SP140L: variants seen among roughly 807,000 people sequenced by gnomAD.
SP140L encodes the protein SP140 like nuclear body protein.
A neutral mutation model predicts 84.3 loss-of-function variants in SP140L; 64 were observed. The observed-to-expected ratio is 0.76, with a 90% CI of 0.62 to 0.94. SP140L has a LOEUF of 0.94. SP140L is among the 40% of genes least tolerant of loss of function. The pLI, the probability that SP140L is intolerant of heterozygous loss-of-function variation, is 0.00. For missense variants in SP140L, 628 were observed against 692.5 expected, an observed-to-expected ratio of 0.91 and a Z score of 1.05; for synonymous variants, 242 against 236.9, an observed-to-expected ratio of 1.02 and a Z score of -0.20.
At chr2:230,374,734 T>C (rs2061189856) in intron 7 of SP140L, among the ~76,000 whole-genome samples, 2 of 152,206 alleles carry the variant, frequency 1.3e-5, no homozygotes, top group African/African-American at 4.8e-5. Flanking sequence ...AAATTATGAT[T>C]TTCTGAAGGC....
intron 7 of SP140L, among the ~76,000 whole-genome samples, chr2:230,380,637 C>A (rs79760619): frequency 6.6e-6 from 1 of 152,152 alleles, no homozygotes; most frequent in Non-Finnish European, 1.5e-5. Context: ...TCTGGTATAT[C>A]TCCACCCACT....
chr2:230,392,412 T>C (rs2061857124), intron 12 of SP140L, among the ~76,000 whole-genome samples, 183 bp downstream of exon 12: 1 of 152,164 alleles, frequency 6.6e-6, no homozygotes, highest in Non-Finnish European at 1.5e-5. Context: ...AACACACTGA[T>C]GTTGTACCAG....
intron 15 of SP140L, chr2:230,400,449 T>G: frequency 1.8e-6 from 1 of 571,120 alleles, no homozygotes; most frequent in Non-Finnish European, 3.1e-6. Context: ...ACACCTCCTC[T>G]GATATGCTGA....
chr2:230,385,580 AT>A (rs2061548954), intron 9 of SP140L, among the ~76,000 whole-genome samples: 3 of 152,206 alleles, frequency 2.0e-5, no homozygotes, highest in Non-Finnish European at 4.4e-5. Context: ...GCTAATTAAA[AT>A]GGCTGGACCT....
At chr2:230,390,711 T>A (rs1327505453) in intron 11 of SP140L, among the ~76,000 whole-genome samples, 1 of 152,234 alleles carries the variant, frequency 6.6e-6, no homozygotes, top group Non-Finnish European at 1.5e-5. Flanking sequence ...TGACTTTTTT[T>A]AACAGCTTAA....
chr2:230,385,312 A>G lies in SP140L; in HGVS notation c.784+8A>G. 6.2e-7 allele frequency: 1 copy of G among 1,613,264 alleles called. No homozygotes were observed. The highest frequency in any genetic ancestry group is 8.5e-7 in the Non-Finnish European group (1 of 1,179,370). ...ACCTTTCCAAGATTAGGGGTAAGATAAAGTTGGTACCACTTTTCATTTGCC... is the reference window on the plus strand; with the variant it reads ...ACCTTTCCAAGATTAGGGGTAAGATGAAGTTGGTACCACTTTTCATTTGCC... On this transcript the variant is annotated splice_region_variant and intron_variant, in intron 9 of 18. Transcript: ENST00000415673.
intron 2 of SP140L, among the ~76,000 whole-genome samples, chr2:230,342,987 T>A (rs74611651): frequency 0.12 from 18,237 of 152,172 alleles, 1,116 homozygotes; most frequent in Middle Eastern, 0.15. Flanking sequence ...AGATTTTTCT[T>A]TTTTCCAAGT....
At chr2:230,352,974 G>C (rs899797815) in intron 2 of SP140L, among the ~76,000 whole-genome samples, 1 of 151,880 alleles carries the variant, frequency 6.6e-6, no homozygotes, top group Non-Finnish European at 1.5e-5. Context: ...GAGAGTTCAT[G>C]TTATGTTAGT....
chr2:230,384,745 C>T (rs1429727322), intron 8 of SP140L, among the ~76,000 whole-genome samples: 3 of 152,040 alleles, frequency 2.0e-5, no homozygotes, highest in African/African-American at 4.8e-5. Flanking sequence ...AACCCTGTCT[C>T]TACTTAAAAT....
chr2:230,357,846 A>G lies in SP140L; in HGVS notation c.149A>G (p.Tyr50Cys), dbSNP rs879121205. The change falls in exon 3 of 19, where the codon TAT becomes TGT. Residue 50 changes from tyrosine to cysteine, a missense_variant. Physicochemically the swap from Tyr to Cys is radical, Grantham distance 194 (BLOSUM62 -2). Transcript: ENST00000415673. ...EDQDVDEGLV[Y>C]DTVFKHFKRH... ...CAGGATGTAGATGAGGGACTTGTCTATGACACTGTATTCAAGCACTTCAAA... is the reference window on the plus strand; with the variant it reads ...CAGGATGTAGATGAGGGACTTGTCTGTGACACTGTATTCAAGCACTTCAAA... The G allele has an allele frequency of 1.2e-6, 2 of 1,614,028 alleles. No homozygotes were observed. Among genetic ancestry groups the G allele is most frequent in the East Asian group, 2.2e-5 (1 of 44,882 alleles).
chr2:230,329,810 C>G (rs1216980097), intron 2 of SP140L, among the ~76,000 whole-genome samples: 1 of 152,118 alleles, frequency 6.6e-6, no homozygotes, highest in Non-Finnish European at 1.5e-5. Flanking sequence ...ATTAATACAT[C>G]TAGCTTTCAG....
chr2:230,356,815 C>T (rs1252428506), intron 2 of SP140L, among the ~76,000 whole-genome samples: 1 of 152,194 alleles, frequency 6.6e-6, no homozygotes, highest in African/African-American at 2.4e-5. Context: ...TTTGAAATCT[C>T]TTATGTGCTC....
At position 230,386,159 on chromosome 2, in the gene SP140L, G is replaced by T. The variant is rs6712865; in HGVS notation, c.784+855G>T. Among the ~76,000 whole-genome samples, 545 of 152,278 alleles carry T rather than the reference G, an allele frequency of 3.6e-3. 6 individuals carry two copies. Among genetic ancestry groups the T allele is most frequent in the African/African-American group, 0.013 (525 of 41,558 alleles). Reference sequence around the variant, plus strand: ...GGGTGTGAGTGAAGGGCTGAACCTGGCATAATCAGTTCCACCAACTCTTTC... The same window carrying T: ...GGGTGTGAGTGAAGGGCTGAACCTGTCATAATCAGTTCCACCAACTCTTTC... On this transcript the variant is annotated intron_variant, in intron 9 of 18. Transcript: ENST00000415673.
chr2:230,389,827 G>A, intron 10 of SP140L, 92 bp from the exon 11 acceptor site: 1 of 1,213,782 alleles, frequency 8.2e-7, no homozygotes, highest in Non-Finnish European at 1.2e-6. Flanking sequence ...AATTTCCTAA[G>A]TACTCTTTGT....
intron 1 of SP140L, among the ~76,000 whole-genome samples, chr2:230,328,349 G>A (rs766705002): frequency 6.6e-6 from 1 of 152,144 alleles, no homozygotes; most frequent in Non-Finnish European, 1.5e-5. Flanking sequence ...ATGCATTTAC[G>A]TGTATGAAGT....
rs2060721269 is a variant in SP140L, at chr2:230,361,662, A to T, written c.488A>T (p.Glu163Val). ...SFQESDRKER[E>V]ERPDIKLSLK... ...CAAGAAAGTGATCGAAAAGAAAGGG[A>T]AGAGAGGCCTGACATCAAACTAAGT... The change falls in exon 5 of 19, where the codon GAA (glutamate) becomes GTA (valine). Residue 163 changes from glutamate (E) to valine (V), a missense_variant. Physicochemically the swap from Glu to Val is moderately radical, Grantham distance 121 (BLOSUM62 -2). Transcript: ENST00000415673. 1 of 1,563,416 alleles carries T rather than the reference A, an allele frequency of 6.4e-7. No individual in the cohort carries two copies. The highest frequency in any genetic ancestry group is 8.7e-7 in the Non-Finnish European group (1 of 1,152,792).
At chr2:230,393,929 A>G (rs1474162991) in intron 13 of SP140L, among the ~76,000 whole-genome samples, 1 of 152,242 alleles carries the variant, frequency 6.6e-6, no homozygotes, top group African/African-American at 2.4e-5. Context: ...GTATGAAACC[A>G]TATATCATTT....
intron 2 of SP140L, among the ~76,000 whole-genome samples, chr2:230,352,601 A>T (rs1483500099): frequency 6.6e-6 from 1 of 152,120 alleles, no homozygotes; most frequent in African/African-American, 2.4e-5. Context: ...TTGCCATGAG[A>T]TTTGGGTAGG....
At chr2:230,385,791 TCCCTCCTTCAG>T (rs2061557236) in intron 9 of SP140L, among the ~76,000 whole-genome samples, 1 of 152,152 alleles carries the variant, frequency 6.6e-6, no homozygotes, top group Non-Finnish European at 1.5e-5. Context: ...TAAAGCACCT[TCCCTCCTTCAG>T]CCTGGGCAAG....
Sources: gnomAD v4.1 joint callset for allele counts (sites outside exome capture counted in the v4.1 genomes callset) on GRCh38, gnomAD v4.1.1 for gene constraint, MANE v1.5 for transcripts, NCBI Gene and HGNC (gene_info 2026-07-23, HGNC 2026-07-21) for gene names.